SETDB1: variants seen among roughly 807,000 people sequenced by gnomAD.
The protein encoded by SETDB1 is histone-lysine N-methyltransferase SETDB1.
Under a neutral mutation model 137.4 loss-of-function variants are expected in SETDB1, and 31 were observed. The ratio of observed to expected loss-of-function variants is 0.23; its 90% CI spans 0.17 to 0.30. The LOEUF is 0.30. SETDB1 is among the 10% of genes least tolerant of loss of function. SETDB1 has a pLI of 1.00. For missense variants in SETDB1, 1,113 were observed against 1,631.5 expected (o/e 0.68, Z 5.47); for synonymous variants, 548 against 579.9 (o/e 0.95, Z 0.79).
chr1:150,947,643 G>A (rs1670369208), intron 10 of SETDB1, among the ~76,000 whole-genome samples: 1 of 152,152 alleles, frequency 6.6e-6, no homozygotes, highest in Non-Finnish European at 1.5e-5. Context: ...GGGTACAGTG[G>A]CATTAAGCTG....
At chr1:150,962,874 C>T in intron 18 of SETDB1, 100 bp from the exon 19 acceptor site, 2 of 1,493,896 alleles carry the variant, frequency 1.3e-6, no homozygotes, top group Non-Finnish European at 1.8e-6. Flanking sequence ...TAATCTTCCT[C>T]TTGCCACCGC....
chr1:150,960,825 G>A lies in SETDB1; in HGVS notation c.2766G>A (p.Val922=), dbSNP rs1481632013. Residue 922 remains valine (V), a synonymous_variant, in exon 16 of 22, where the codon GTG becomes GTA. Transcript: ENST00000692827. ...CKDEDFSTSS[V]WRSYATRRQT... is the part of the protein sequence containing the mutation. ...ATGAGGACTTCAGCACCAGTTCAGTGTGGCGGAGCTATGCTACCCGGAGGC... is the reference window on the plus strand; with the variant it reads ...ATGAGGACTTCAGCACCAGTTCAGTATGGCGGAGCTATGCTACCCGGAGGC... 7 of 1,605,508 alleles carry A rather than the reference G, an allele frequency of 4.4e-6. No homozygotes were observed. In the South Asian group the frequency reaches 7.8e-5, roughly 18 times the overall value.
intron 10 of SETDB1, among the ~76,000 whole-genome samples, chr1:150,947,397 T>C (rs1670361825): frequency 6.6e-6 from 1 of 151,958 alleles, no homozygotes; most frequent in Non-Finnish European, 1.5e-5. Flanking sequence ...GGGCTCAAGC[T>C]GTCTACCTGC....
intron 9 of SETDB1, 123 bp from the exon 10 acceptor site, chr1:150,946,763 G>A: frequency 8.7e-7 from 1 of 1,147,098 alleles, no homozygotes; most frequent in East Asian, 2.5e-5. Context: ...CTTAGACTAA[G>A]GAATTTAAGG....
intron 1 of SETDB1, 48 bp downstream of exon 1, chr1:150,926,565 G>A: frequency 5.2e-6 from 2 of 383,254 alleles, no homozygotes; most frequent in Non-Finnish European, 1.0e-5. Flanking sequence ...GCTTATCTGG[G>A]ACGTTTTGTT....
chr1:150,934,508 A>G (rs1458279147), intron 3 of SETDB1, among the ~76,000 whole-genome samples: 3 of 152,144 alleles, frequency 2.0e-5, no homozygotes, highest in East Asian at 3.9e-4. Flanking sequence ...ACTTTGCACC[A>G]GCATACTTCT....
intron 2 of SETDB1, among the ~76,000 whole-genome samples, chr1:150,929,021 C>G (rs891396088): frequency 6.6e-6 from 1 of 152,104 alleles, no homozygotes; most frequent in African/African-American, 2.4e-5. Context: ...GGTTTAAAGT[C>G]TTTGCTATTG....
chr1:150,931,261 CAAAAAAAAAA>C (rs767694682), intron 3 of SETDB1, among the ~76,000 whole-genome samples: 1 of 67,480 alleles, frequency 1.5e-5, no homozygotes, highest in African/African-American at 4.4e-5. Flanking sequence ...CTCTTGTCTT[CAAAAAAAAAA>C]AAAAAAAAAA....
At position 150,963,112 on chromosome 1, in the gene SETDB1, G is replaced by A. The variant is rs988664915; in HGVS notation, c.3433G>A (p.Asp1145Asn). The A allele has an allele frequency of 4.3e-6, 7 of 1,613,808 alleles. No individual in the cohort carries two copies. In the African/African-American group the frequency reaches 5.3e-5, roughly 12 times the overall value. The change falls in exon 19 of 22, where the codon GAC (aspartate) becomes AAC (asparagine). Residue 1145 changes from aspartate (D) to asparagine (N), a missense_variant. Physicochemically the swap from Asp to Asn is conservative, Grantham distance 23. Transcript: ENST00000692827. ...CATATCCTCTGGCTCTGAAGGGGAT[G>A]ACTTTGAGGACAAGAAGAACATGAC... Reference protein sequence around the residue: ...QTISSGSEGDDFEDKKNMTGP... With the variant: ...QTISSGSEGDNFEDKKNMTGP...
At chr1:150,938,851 G>A (rs1057141870) in intron 3 of SETDB1, among the ~76,000 whole-genome samples, 1 of 149,372 alleles carries the variant, frequency 6.7e-6, no homozygotes, top group African/African-American at 2.5e-5. Context: ...TTTTGAGACG[G>A]GGTCTTACTC....
chr1:150,933,760 TCTTTTTCTTTTTC>T (rs1669847686), intron 3 of SETDB1, among the ~76,000 whole-genome samples: 1 of 122,764 alleles, frequency 8.1e-6, no homozygotes, highest in African/African-American at 3.2e-5. Context: ...TTTTTCTTTT[TCTTTTTCTTTTTC>T]TTTTTCTTTT....
Position 150,935,422 on chromosome 1 carries a change from A to G in SETDB1, c.413-4518A>G, listed in dbSNP as rs1571628951. On this transcript the variant is annotated intron_variant, in intron 3 of 21. Coordinates refer to ENST00000692827, the MANE Select transcript of SETDB1 (RefSeq NM_001366418.1). The stretch of plus-strand genomic sequence containing the variant: ...GAAGTATTTCATCTGTTATTTCTTC[A>G]TGGTTTTTTTTTTCTGTTCCCTTTT... Among the ~76,000 whole-genome samples the G allele has an allele frequency of 3.3e-5, 5 of 149,652 alleles. No individual in the cohort carries two copies. The South Asian group carries it at 6.3e-4, about 19-fold the overall frequency.
At chr1:150,947,420 A>G (rs1181911881) in intron 10 of SETDB1, among the ~76,000 whole-genome samples, 1 of 151,902 alleles carries the variant, frequency 6.6e-6, no homozygotes, top group South Asian at 2.1e-4. Flanking sequence ...CGGCTGCCCA[A>G]AGTGCTAGGA....
At chr1:150,926,549 C>T in intron 1 of SETDB1, 32 bp downstream of exon 1, 1 of 368,886 alleles carries the variant, frequency 2.7e-6, no homozygotes, top group East Asian at 7.4e-5. Context: ...TATTTGGTGA[C>T]CAAAGGCTTA....
Position 150,950,551 on chromosome 1 carries a change from C to T in SETDB1, c.1677C>T (p.Ala559=), listed in dbSNP as rs140338903. The T allele has an allele frequency of 1.6e-4, 256 of 1,614,090 alleles. 1 individual carries two copies. The African/African-American group carries it at 3.2e-3, about 20-fold the overall frequency. The change falls in exon 13 of 22, where the codon GCC becomes GCT. Residue 559 remains alanine, a synonymous_variant. Transcript: ENST00000692827. ...TCTTCCATGGCATGCTGGAGCGGGC[C>T]CCAGCAGAGCCCTCCTACCGTGCTC... ...PPVFHGMLER[A]PAEPSYRAPM...
At chr1:150,928,064 A>G in intron 2 of SETDB1, 90 bp downstream of exon 2, 1 of 1,458,312 alleles carries the variant, frequency 6.9e-7, no homozygotes, top group Non-Finnish European at 9.4e-7. Context: ...CAAGCATTTT[A>G]TTTTATGTTT....
rs1377239259 is a variant in SETDB1 at position 150,951,350 on chromosome 1, C to T, written c.2217-15C>T. The T allele has an allele frequency of 1.9e-6, 3 of 1,549,726 alleles. No homozygotes were observed. The highest frequency in any genetic ancestry group is 2.2e-5 in the South Asian group (2 of 89,662). The stretch of plus-strand genomic sequence containing the variant: ...ATCCCCCCGCTCCTTTCCTTTATTT[C>T]CCTCTGTCATATAGGTCCAAGTGTG... On this transcript the variant is annotated splice_polypyrimidine_tract_variant and intron_variant, in intron 13 of 21. Transcript: ENST00000692827.
chr1:150,959,389 A>G (rs200868607), intron 15 of SETDB1, 42 bp downstream of exon 15: 2 of 1,497,194 alleles, frequency 1.3e-6, no homozygotes, highest in Middle Eastern at 1.7e-4. Flanking sequence ...AGACTGGGAC[A>G]TGGTAGGGAA....
At chr1:150,963,855 TAA>T in intron 20 of SETDB1, 114 bp downstream of exon 20, 1 of 1,308,742 alleles carries the variant, frequency 7.6e-7, no homozygotes, top group Non-Finnish European at 1.1e-6. Context: ...CAAAGGATCT[TAA>T]AGAGGTAGCT....
Sources: allele counts gnomAD v4.1 joint callset (sites outside exome capture counted in the v4.1 genomes callset), GRCh38; gene constraint gnomAD v4.1.1; transcripts MANE v1.5; gene names NCBI Gene and HGNC (gene_info 2026-07-23, HGNC 2026-07-21).